SGCD: variants seen among roughly 807,000 people sequenced by gnomAD.
SGCD encodes the protein delta-sarcoglycan.
Under a neutral mutation model 36.6 loss-of-function variants are expected in SGCD, and 18 were observed. That is an observed-to-expected ratio of 0.49 (90% CI 0.34 to 0.73). The LOEUF (loss-of-function observed/expected upper bound fraction) is 0.73, where lower values mean the gene tolerates loss of function less well. Ranked by LOEUF, SGCD falls within the 30% of genes least tolerant of loss-of-function variation. The pLI, the probability that SGCD is intolerant of heterozygous loss-of-function variation, is 0.01. For synonymous variants in SGCD, 133 were observed against 130.6 expected (o/e 1.02, Z -0.12); for missense variants, 387 against 346.7 (o/e 1.12, Z -0.92).
chr5:156,098,999 T>C (rs1581098480), intron 1 of SGCD, among the ~76,000 whole-genome samples: 1 of 152,140 alleles, frequency 6.6e-6, no homozygotes, highest in South Asian at 2.1e-4. Context: ...AAGACTCCCA[T>C]TGAATTCCAA....
chr5:156,239,325 G>A (rs1030000303), intron 3 of SGCD, among the ~76,000 whole-genome samples: 9 of 151,144 alleles, frequency 6.0e-5, no homozygotes, highest in Admixed American at 1.3e-4. Context: ...GCTTGAACCC[G>A]GGAGGCGGAG....
At chr5:156,186,157 T>A (rs1439102320) in intron 3 of SGCD, among the ~76,000 whole-genome samples, 1 of 151,902 alleles carries the variant, frequency 6.6e-6, no homozygotes, top group Non-Finnish European at 1.5e-5. Flanking sequence ...GTTGAACCCC[T>A]CTTATACCAG....
chr5:156,550,971 A>C (rs1209184577), intron 4 of SGCD, among the ~76,000 whole-genome samples: 1 of 152,142 alleles, frequency 6.6e-6, no homozygotes, highest in African/African-American at 2.4e-5. Context: ...TTTAGTGTAC[A>C]TGTTTCTTTA....
chr5:156,554,962 A>G (rs1758960674), intron 4 of SGCD, among the ~76,000 whole-genome samples: 1 of 152,196 alleles, frequency 6.6e-6, no homozygotes, highest in Admixed American at 6.5e-5. Context: ...TGTGGTTTTC[A>G]TATGCATTTC....
chr5:156,209,826 A>T (rs564512857), intron 3 of SGCD, among the ~76,000 whole-genome samples: 19 of 151,780 alleles, frequency 1.3e-4, no homozygotes, highest in African/African-American at 3.6e-4. Context: ...AGGCCCCAGA[A>T]CCCCTCTGAA....
At chr5:155,874,257 A>G (rs538782694) in intron 1 of SGCD, among the ~76,000 whole-genome samples, 26 of 152,260 alleles carry the variant, frequency 1.7e-4, no homozygotes, top group African/African-American at 6.3e-4. Flanking sequence ...TTTTTTTACA[A>G]CTTACCATGG....
chr5:156,686,861 A>T (rs780647086), intron 7 of SGCD, among the ~76,000 whole-genome samples: 1 of 152,194 alleles, frequency 6.6e-6, no homozygotes. Flanking sequence ...AGTCCTTAAA[A>T]CTGACCATTT....
chr5:155,947,292 CTTGTGTGTGT>C (rs775484055), intron 1 of SGCD, among the ~76,000 whole-genome samples: 7 of 105,424 alleles, frequency 6.6e-5, no homozygotes, highest in African/African-American at 2.3e-4. Flanking sequence ...CATAAATACT[CTTGTGTGTGT>C]GTGTGTGTGT....
At chr5:156,734,211 A>G (rs182055716) in intron 7 of SGCD, among the ~76,000 whole-genome samples, 10 of 152,126 alleles carry the variant, frequency 6.6e-5, no homozygotes, top group African/African-American at 9.6e-5. Flanking sequence ...CTGTCCCCCA[A>G]TCTCTTCTGG....
chr5:156,725,868 T>G lies in SGCD; in HGVS notation c.576-31713T>G, dbSNP rs972584639. Among the ~76,000 whole-genome samples the G allele has an allele frequency of 3.3e-5, 5 of 152,376 alleles. No individual in the cohort carries two copies. In the East Asian group the frequency reaches 9.6e-4, roughly 29 times the overall value. ...GAAGAAAAAAACAAACTTTCTGCTT[T>G]CCAATCAACAACTCTTAATTATCTT... On this transcript the variant is annotated intron_variant, in intron 7 of 8. Coordinates refer to ENST00000337851, the MANE Select transcript of SGCD (RefSeq NM_000337.6).
chr5:155,879,857 C>G (rs1314830357), intron 1 of SGCD, among the ~76,000 whole-genome samples: 2 of 152,162 alleles, frequency 1.3e-5, no homozygotes, highest in East Asian at 1.9e-4. Flanking sequence ...TGGCTTGCCT[C>G]CATTGTTGTA....
At chr5:156,220,854 CTTG>C (rs1208775370) in intron 3 of SGCD, among the ~76,000 whole-genome samples, 1 of 152,134 alleles carries the variant, frequency 6.6e-6, no homozygotes, top group Non-Finnish European at 1.5e-5. Context: ...GAATTTAATA[CTTG>C]TTGTGCATAG....
At chr5:156,322,705 G>T (rs1767704273), upstream of SGCD, among the ~76,000 whole-genome samples, 1 of 152,174 alleles carries the variant, frequency 6.6e-6, no homozygotes, top group Non-Finnish European at 1.5e-5. Flanking sequence ...GGTGAGAACA[G>T]CTTTTCTTCA....
At chr5:155,869,013 A>C (rs1755579054), upstream of SGCD, among the ~76,000 whole-genome samples, 1 of 152,216 alleles carries the variant, frequency 6.6e-6, no homozygotes, top group South Asian at 2.1e-4. Context: ...AATTAAAGAA[A>C]GATTAGGATT....
chr5:156,436,693 A>C (rs2055611), intron 3 of SGCD, among the ~76,000 whole-genome samples: 71,730 of 152,034 alleles, frequency 0.47, 17,124 homozygotes, highest in Middle Eastern at 0.6. Flanking sequence ...CTCCTGCTGC[A>C]GTGGCTAAAT....
At chr5:155,773,472 G>T in the SGCD span, among the ~76,000 whole-genome samples, 1 of 152,224 alleles carries the variant, frequency 6.6e-6, no homozygotes, top group African/African-American at 2.4e-5. Context: ...AAGCCACCAT[G>T]CTTGGCCTGC....
intron 7 of SGCD, among the ~76,000 whole-genome samples, chr5:156,675,737 A>T (rs960063064): frequency 9.9e-5 from 15 of 152,178 alleles, no homozygotes; most frequent in African/African-American, 3.6e-4. Flanking sequence ...TTCTGAATTT[A>T]ATTGCAGTAT....
At chr5:156,242,726 C>A (rs557299521) in intron 3 of SGCD, among the ~76,000 whole-genome samples, 1 of 152,112 alleles carries the variant, frequency 6.6e-6, no homozygotes. Context: ...CCCTTGTAGG[C>A]GGACTGCCCC....
At chr5:156,074,992 A>G (rs962941754) in intron 1 of SGCD, among the ~76,000 whole-genome samples, 6 of 152,360 alleles carry the variant, frequency 3.9e-5, no homozygotes, top group South Asian at 2.1e-4. Context: ...AAAGAAGTCT[A>G]TCATGAACCT....
Sources: gnomAD v4.1 joint callset for allele counts (sites outside exome capture counted in the v4.1 genomes callset) on GRCh38, gnomAD v4.1.1 for gene constraint, MANE v1.5 for transcripts, NCBI Gene and HGNC (gene_info 2026-07-23, HGNC 2026-07-21) for gene names.